NUP205: variants seen among roughly 807,000 people sequenced by gnomAD.
The protein encoded by NUP205 is nucleoporin 205.
NUP205 carries 76 observed loss-of-function variants against 253.8 expected under a neutral mutation model. The observed-to-expected ratio is 0.30, with a 90% confidence interval of 0.25 to 0.36. The LOEUF (loss-of-function observed/expected upper bound fraction) is 0.36. Among genes scored for constraint, NUP205 ranks in the 10% least tolerant of loss-of-function variants. NUP205 has a pLI of 1.00. For synonymous variants in NUP205, 832 were observed against 850.1 expected (o/e 0.98, Z 0.37); for missense variants, 2,162 against 2,425.5 (o/e 0.89, Z 2.28).
intron 1 of NUP205, among the ~76,000 whole-genome samples, chr7:135,561,596 G>T (rs1805581168): frequency 6.6e-6 from 1 of 152,104 alleles, no homozygotes; most frequent in South Asian, 2.1e-4. Context: ...CAGACTTCTA[G>T]TCACAGAGAA....
At chr7:135,592,814 G>A (rs935831224) in intron 11 of NUP205, among the ~76,000 whole-genome samples, 173 bp from the exon 12 acceptor site, 1 of 152,124 alleles carries the variant, frequency 6.6e-6, no homozygotes, top group African/African-American at 2.4e-5. Flanking sequence ...TTGAACCTGG[G>A]GAGTAGAGGT....
intron 22 of NUP205, among the ~76,000 whole-genome samples, chr7:135,610,348 G>A (rs1794196974): frequency 6.6e-6 from 1 of 152,184 alleles, no homozygotes; most frequent in African/African-American, 2.4e-5. Flanking sequence ...AGCCTCCCAA[G>A]TAGCAGGGAT....
rs961338547 is a variant in NUP205 at position 135,622,907 on chromosome 7, T to C, written c.4461T>C (p.Asp1487=). 2 of 1,614,128 alleles carry C rather than the reference T, an allele frequency of 1.2e-6. No homozygotes were observed. Among genetic ancestry groups the C allele is most frequent in the Non-Finnish European group, 1.7e-6 (2 of 1,180,006 alleles). The change falls in exon 31 of 43, where the codon GAT becomes GAC. Residue 1487 remains aspartate, a synonymous_variant. Coordinates refer to ENST00000285968, the MANE Select transcript of NUP205 (RefSeq NM_015135.3). ...AAGTGGTCTGTCGAGATGCTTGTGA[T>C]GGTCATGAGATTGGAAGGGTAAAGC... ...LMEVVCRDAC[D]GHEIGRMLAL...
chr7:135,638,414 G>GGAA (rs1794857321), intron 37 of NUP205, 143 bp from the exon 38 acceptor site: 2 of 465,656 alleles, frequency 4.3e-6, no homozygotes, highest in Admixed American at 9.2e-5. Flanking sequence ...GACTCCATCT[G>GGAA]AAAAAAAAAA....
At chr7:135,619,362 A>G in intron 28 of NUP205, 61 bp from the exon 29 acceptor site, 1 of 1,537,182 alleles carries the variant, frequency 6.5e-7, no homozygotes, top group Non-Finnish European at 8.8e-7. Flanking sequence ...AAGCTATGAA[A>G]TTTGTTAATG....
intron 33 of NUP205, among the ~76,000 whole-genome samples, chr7:135,627,112 A>G (rs894055897): frequency 1.3e-5 from 2 of 152,160 alleles, no homozygotes; most frequent in African/African-American, 4.8e-5. Flanking sequence ...TCTTTAGTTC[A>G]TGGCATGCTA....
intron 28 of NUP205, 56 bp downstream of exon 28, chr7:135,618,659 ATATATTTTGGCATCC>A: frequency 7.0e-7 from 1 of 1,423,212 alleles, no homozygotes; most frequent in Non-Finnish European, 9.5e-7. Flanking sequence ...ATTTAAACAA[ATATATTTTGGCATCC>A]TAATTGTTTT....
chr7:135,600,376 G>A (rs967075497), intron 15 of NUP205, among the ~76,000 whole-genome samples: 4 of 152,166 alleles, frequency 2.6e-5, no homozygotes, highest in African/African-American at 9.7e-5. Context: ...GAAGGCCTGG[G>A]CTTGACTTTC....
rs750212342 is a variant in NUP205 at position 135,619,458 on chromosome 7, T to G, written c.3999T>G (p.Pro1333=). ...ATGAAGCTGCGCAAGAGTTAATGCC[T>G]GTGGTCGCCGGGGCAGTGTTCACAC... ...LDDEAAQELM[P]VVAGAVFTLT... The change falls in exon 29 of 43, where the codon CCT becomes CCG. Residue 1333 remains proline, a synonymous_variant. Transcript: ENST00000285968. 1 of 1,613,340 alleles carries G rather than the reference T, an allele frequency of 6.2e-7. No individual in the cohort carries two copies. Among genetic ancestry groups the G allele is most frequent in the East Asian group, 2.2e-5 (1 of 44,886 alleles).
rs144852408 is a variant in NUP205 at position 135,574,794 on chromosome 7, A to G, written c.343+969A>G. On this transcript the variant is annotated intron_variant, in intron 3 of 42. Transcript: ENST00000285968. ...CTGCTGTGTAGAGAAAAGAGAGAAA[A>G]ATTTCTATACTATAAGCAGTTTGTT... 7.2e-3 allele frequency among the ~76,000 whole-genome samples: 1,093 copies of G among 152,266 alleles called. 8 individuals carry two copies. Among genetic ancestry groups the G allele is most frequent in the Non-Finnish European group, 0.011 (762 of 68,018 alleles).
At chr7:135,604,578 T>A in intron 19 of NUP205, 118 bp downstream of exon 19, 2 of 1,018,846 alleles carry the variant, frequency 2.0e-6, no homozygotes, top group Non-Finnish European at 2.8e-6. Flanking sequence ...TCATTAAGAG[T>A]AAGTATATTT....
At chr7:135,579,283 C>G (rs1806241616) in intron 7 of NUP205, among the ~76,000 whole-genome samples, 1 of 151,748 alleles carries the variant, frequency 6.6e-6, no homozygotes, top group African/African-American at 2.4e-5. Context: ...CAACCTCTGC[C>G]CCCCGGGTTC....
At chr7:135,625,416 T>C in intron 32 of NUP205, 61 bp downstream of exon 32, 3 of 1,251,784 alleles carry the variant, frequency 2.4e-6, no homozygotes, top group South Asian at 1.6e-5. Context: ...GCTATAGATG[T>C]ATTAAAGAAA....
chr7:135,596,244 A>G (rs185176096), intron 13 of NUP205, among the ~76,000 whole-genome samples: 1 of 152,356 alleles, frequency 6.6e-6, no homozygotes, highest in Admixed American at 6.5e-5. Context: ...AGAAGCAACC[A>G]TTTTGAAGCA....
chr7:135,612,233 G>A (rs1413432055), intron 22 of NUP205, among the ~76,000 whole-genome samples: 2 of 152,186 alleles, frequency 1.3e-5, no homozygotes, highest in African/African-American at 4.8e-5. Flanking sequence ...CTGAATTGGT[G>A]AATTCATTGC....
At position 135,599,678 on chromosome 7, in the gene NUP205, T is replaced by C. The variant is rs567553079; in HGVS notation, c.2275-1192T>C. ...ATATTCTCTCCAGATGCTATCACTT[T>C]TCACCCATGCAGAGCCACACTTCAA... is the stretch of plus-strand genomic sequence containing the variant. On this transcript the variant is annotated intron_variant, in intron 15 of 42. Coordinates refer to ENST00000285968, the MANE Select transcript of NUP205 (RefSeq NM_015135.3). Among the ~76,000 whole-genome samples the C allele has an allele frequency of 4.9e-4, 75 of 152,334 alleles. 3 individuals are homozygous for C. In the South Asian group the frequency reaches 0.015, roughly 30 times the overall value.
intron 36 of NUP205, among the ~76,000 whole-genome samples, chr7:135,636,975 T>C (rs1331981739): frequency 6.6e-6 from 1 of 152,214 alleles, no homozygotes; most frequent in East Asian, 1.9e-4. Flanking sequence ...CATTGCACTT[T>C]AGCCTGGGCA....
intron 7 of NUP205, among the ~76,000 whole-genome samples, chr7:135,579,597 AAC>A (rs1421409844): frequency 6.6e-6 from 1 of 152,280 alleles, no homozygotes; most frequent in South Asian, 2.1e-4. Context: ...TCAAATTAAA[AAC>A]AGTTATTTTT....
intron 23 of NUP205, among the ~76,000 whole-genome samples, chr7:135,614,726 T>TA (rs1441692653): frequency 6.6e-6 from 1 of 152,230 alleles, no homozygotes; most frequent in Non-Finnish European, 1.5e-5. Context: ...AGTTTTAACT[T>TA]AGTTTATTGA....
Sources: gnomAD v4.1 joint callset for allele counts (sites outside exome capture counted in the v4.1 genomes callset) on GRCh38, gnomAD v4.1.1 for gene constraint, MANE v1.5 for transcripts, NCBI Gene and HGNC (gene_info 2026-07-23, HGNC 2026-07-21) for gene names.